The following TASP1 variants were observed in gnomAD, a reference collection of about 807,000 sequenced individuals.
TASP1 encodes threonine aspartase 1.
A neutral mutation model predicts 56.6 loss-of-function variants in TASP1; 16 were observed. The ratio of observed to expected loss-of-function variants is 0.28; its 90% CI spans 0.19 to 0.43. The LOEUF (loss-of-function observed/expected upper bound fraction) is 0.43, where lower values mean the gene tolerates loss of function less well. Ranked by LOEUF, TASP1 falls within the 20% of genes least tolerant of loss-of-function variation. TASP1 has a pLI of 1.00. For synonymous variants in TASP1, 179 were observed against 184.2 expected, an observed-to-expected ratio of 0.97 and a Z score of 0.23; for missense variants, 393 against 511.6, an observed-to-expected ratio of 0.77 and a Z score of 2.24.
chr20:13,371,125 G>A, the TASP1 span, among the ~76,000 whole-genome samples: 4 of 151,888 alleles, frequency 2.6e-5, no homozygotes, highest in Admixed American at 1.3e-4. Flanking sequence ...CCAACTTTTG[G>A]ATTCATTTTC....
At chr20:13,229,816 C>T in the TASP1 span, among the ~76,000 whole-genome samples, 14,219 of 152,122 alleles carry the variant, frequency 0.093, 888 homozygotes, top group East Asian at 0.17. Context: ...CCACTTGTTT[C>T]ATATCTACCA....
At chr20:13,465,155 A>C (rs1345276596) in intron 11 of TASP1, among the ~76,000 whole-genome samples, 1 of 144,556 alleles carries the variant, frequency 6.9e-6, no homozygotes, top group Non-Finnish European at 1.5e-5. Flanking sequence ...TAGGTGACAG[A>C]GCAAGACCCC....
At chr20:13,307,369 A>C in the TASP1 span, among the ~76,000 whole-genome samples, 1 of 152,206 alleles carries the variant, frequency 6.6e-6, no homozygotes, top group Admixed American at 6.5e-5. Context: ...AAGTGAATAC[A>C]CCCATGTCAC....
At chr20:13,365,789 G>A in the TASP1 span, among the ~76,000 whole-genome samples, 1 of 152,218 alleles carries the variant, frequency 6.6e-6, no homozygotes, top group Non-Finnish European at 1.5e-5. Flanking sequence ...AAACAAGTAG[G>A]GAAGAGATGT....
At chr20:13,571,839 C>T (rs943230624) in intron 6 of TASP1, among the ~76,000 whole-genome samples, 10 of 152,148 alleles carry the variant, frequency 6.6e-5, no homozygotes, top group Non-Finnish European at 1.2e-4. Context: ...TACTCATTGT[C>T]GTGTAAAGCC....
chr20:13,526,219 C>T (rs1326700988), intron 10 of TASP1, among the ~76,000 whole-genome samples: 2 of 152,064 alleles, frequency 1.3e-5, no homozygotes, highest in Non-Finnish European at 2.9e-5. Context: ...ATCAGGCAGG[C>T]TCTCAGGATT....
chr20:13,419,795 T>A (rs2042375710), intron 12 of TASP1, among the ~76,000 whole-genome samples: 1 of 152,178 alleles, frequency 6.6e-6, no homozygotes, highest in African/African-American at 2.4e-5. Flanking sequence ...CATTCCCTTA[T>A]CATTAATTAG....
intron 8 of TASP1, among the ~76,000 whole-genome samples, chr20:13,548,152 G>A (rs1384703773): frequency 3.3e-5 from 5 of 152,172 alleles, no homozygotes; most frequent in Non-Finnish European, 7.3e-5. Flanking sequence ...TGGGGACTCT[G>A]TTGGGGAGCC....
Position 13,391,058 on chromosome 20 carries a change from T to C in TASP1, c.1171-606A>G, listed in dbSNP as rs531466632. 3.4e-3 allele frequency among the ~76,000 whole-genome samples: 523 copies of C among 152,340 alleles called. 5 individuals carry two copies. The highest frequency in any genetic ancestry group is 3.7e-3 in the Non-Finnish European group (252 of 68,028). On this transcript the variant is annotated intron_variant, in intron 13 of 13. Transcript: ENST00000337743. ...GTACCCGTGCCAGAGGCAAGCCTGC[T>C]GCCCTGTCTCTCAGTTTCCTAGCAG...
downstream of TASP1, among the ~76,000 whole-genome samples, chr20:13,387,528 G>A (rs996678291): frequency 2.2e-4 from 33 of 152,114 alleles, no homozygotes; most frequent in African/African-American, 7.7e-4. Flanking sequence ...ATTCCATGGT[G>A]TATATGTACC....
intron 2 of TASP1, among the ~76,000 whole-genome samples, chr20:13,625,911 A>G (rs2048871214): frequency 1.3e-5 from 2 of 152,170 alleles, no homozygotes; most frequent in African/African-American, 4.8e-5. Flanking sequence ...GAACTGTCTC[A>G]AGAGAATGGC....
At position 13,483,326 on chromosome 20, in the gene TASP1, G is replaced by T; in HGVS notation, c.886C>A (p.His296Asn). The stretch of plus-strand genomic sequence containing the variant: ...CTAGCCAGTATGGTGCGCACAAGAT[G>T]CTCTCCACATCCTAGAAATCCAAAG... ...TAVSTSGCGE[H>N]LVRTILAREC... Residue 296 changes from histidine (H) to asparagine (N), a missense_variant, in exon 11 of 14, where the codon CAT becomes AAT. By Grantham distance (68) the His-to-Asn change is moderately conservative. This residue lies in a region of TASP1 where 293 missense variants were observed against 354.2 expected (regional missense o/e 0.83). Transcript: ENST00000337743. 6.4e-7 allele frequency: 1 copy of T among 1,572,082 alleles called. No individual in the cohort carries two copies. Among genetic ancestry groups the T allele is most frequent in the Non-Finnish European group, 8.6e-7 (1 of 1,157,560 alleles).
At chr20:13,228,380 T>A in the TASP1 span, among the ~76,000 whole-genome samples, 1 of 152,228 alleles carries the variant, frequency 6.6e-6, no homozygotes, top group African/African-American at 2.4e-5. Context: ...TAAGAACCTA[T>A]ATCTTTAGAC....
intron 12 of TASP1, among the ~76,000 whole-genome samples, chr20:13,426,523 G>A (rs2042622808): frequency 6.6e-6 from 1 of 152,064 alleles, no homozygotes; most frequent in Non-Finnish European, 1.5e-5. Flanking sequence ...CCAATATTCA[G>A]AGTATATTAG....
intron 13 of TASP1, among the ~76,000 whole-genome samples, chr20:13,405,558 T>A (rs1018738236): frequency 5.3e-5 from 8 of 152,124 alleles, no homozygotes; most frequent in African/African-American, 4.8e-5. Flanking sequence ...TTAATTAAGT[T>A]ATTTTTGAGA....
At chr20:13,582,765 T>C (rs1378017996) in intron 5 of TASP1, among the ~76,000 whole-genome samples, 1 of 152,238 alleles carries the variant, frequency 6.6e-6, no homozygotes, top group African/African-American at 2.4e-5. Flanking sequence ...GACTACTTTG[T>C]AACTGTTCCA....
At chr20:13,494,636 G>C (rs2146591919) in intron 10 of TASP1, among the ~76,000 whole-genome samples, 1 of 152,206 alleles carries the variant, frequency 6.6e-6, no homozygotes, top group East Asian at 1.9e-4. Flanking sequence ...TAAGATCCAA[G>C]TATTGTGACT....
At chr20:13,521,644 G>A (rs1488879452) in intron 10 of TASP1, among the ~76,000 whole-genome samples, 1 of 142,782 alleles carries the variant, frequency 7.0e-6, no homozygotes, top group Non-Finnish European at 1.5e-5. Flanking sequence ...GGGTGGGGGA[G>A]GGGGGAGGGA....
intron 4 of TASP1, among the ~76,000 whole-genome samples, chr20:13,611,455 G>GAAAAT (rs1230404757): frequency 6.6e-6 from 1 of 152,130 alleles, no homozygotes; most frequent in Non-Finnish European, 1.5e-5. Flanking sequence ...TTTTTGAAAA[G>GAAAAT]TCTAGTTTGA....
Sources: gnomAD v4.1 joint callset for allele counts (sites outside exome capture counted in the v4.1 genomes callset) on GRCh38, gnomAD v4.1.1 for gene constraint, gnomAD v4.1.1 regional missense constraint, MANE v1.5 for transcripts, NCBI Gene and HGNC (gene_info 2026-07-23, HGNC 2026-07-21) for gene names.